FHL2: variants seen among roughly 807,000 people sequenced by gnomAD.
The protein encoded by FHL2 is four and a half LIM domains 2.
In FHL2, 20 loss-of-function variants were observed where a neutral mutation model predicts 32.7. The observed-to-expected ratio is 0.61, with a 90% CI of 0.43 to 0.89. The LOEUF (loss-of-function observed/expected upper bound fraction) is 0.89, where lower values mean the gene tolerates loss of function less well. Ranked by LOEUF, FHL2 falls within the 40% of genes least tolerant of loss-of-function variation. The pLI, the probability that FHL2 is intolerant of heterozygous loss-of-function variation, is 0.00. For missense variants in FHL2, 311 were observed against 358.6 expected (o/e 0.87, Z 1.07); for synonymous variants, 123 against 128.1 (o/e 0.96, Z 0.27).
intron 3 of FHL2, among the ~76,000 whole-genome samples, chr2:105,379,888 G>A (rs984843103): frequency 5.3e-5 from 8 of 152,316 alleles, no homozygotes; most frequent in Admixed American, 1.3e-4. Flanking sequence ...CATGTGCCAC[G>A]CCGGCGACCT....
intron 1 of FHL2, among the ~76,000 whole-genome samples, chr2:105,430,437 C>A (rs1466941139): frequency 6.6e-6 from 1 of 152,158 alleles, no homozygotes; most frequent in Non-Finnish European, 1.5e-5. Flanking sequence ...GAGGCCAAGG[C>A]GGGCAGATCA....
At chr2:105,405,323 G>C (rs887186787) in intron 1 of FHL2, among the ~76,000 whole-genome samples, 21 of 152,150 alleles carry the variant, frequency 1.4e-4, no homozygotes, top group African/African-American at 5.1e-4. Context: ...TGAGTGAACG[G>C]TTTGCTTCCC....
chr2:105,367,339 G>A (rs1680707038), intron 5 of FHL2, among the ~76,000 whole-genome samples: 1 of 152,186 alleles, frequency 6.6e-6, no homozygotes. Context: ...TCTAGAAGAA[G>A]GCAGGGTTAA....
intron 2 of FHL2, among the ~76,000 whole-genome samples, chr2:105,396,366 C>T (rs1380350028): frequency 3.3e-5 from 5 of 152,248 alleles, no homozygotes; most frequent in Middle Eastern, 3.4e-3. Context: ...TCAAGCAGTC[C>T]GGCAGGGGGG....
upstream of FHL2, among the ~76,000 whole-genome samples, chr2:105,401,765 G>A (rs1683473543): frequency 2.0e-5 from 3 of 152,112 alleles, no homozygotes; most frequent in Non-Finnish European, 2.9e-5. Flanking sequence ...TAAATCAACT[G>A]AGAAAAATAA....
At chr2:105,412,632 G>C (rs552590693) in intron 1 of FHL2, among the ~76,000 whole-genome samples, 1 of 152,344 alleles carries the variant, frequency 6.6e-6, no homozygotes, top group South Asian at 2.1e-4. Context: ...AAGAAAGCAC[G>C]TGGATGGTTA....
At chr2:105,438,210 G>A (rs891546635) in intron 1 of FHL2, among the ~76,000 whole-genome samples, 1 of 152,148 alleles carries the variant, frequency 6.6e-6, no homozygotes, top group Non-Finnish European at 1.5e-5. Flanking sequence ...CTCTGCCGTT[G>A]GTGGGAGCCA....
intron 2 of FHL2, among the ~76,000 whole-genome samples, chr2:105,393,823 T>A (rs1319190750): frequency 6.6e-6 from 1 of 152,266 alleles, no homozygotes; most frequent in African/African-American, 2.4e-5. Flanking sequence ...TCGTCCCTCC[T>A]TCCAGATAAG....
At chr2:105,399,454 A>T, upstream of FHL2, 1 of 1,536,082 alleles carries the variant, frequency 6.5e-7, no homozygotes, top group South Asian at 1.2e-5. Context: ...ACTTCTCAGG[A>T]GGCATGTGCC....
At position 105,367,734 on chromosome 2, in the gene FHL2, G is replaced by C; in HGVS notation, c.337C>G (p.Arg113Gly). Reference protein sequence around the residue: ...ECKKTIMPGTRKMEYKGSSWH... With the variant: ...ECKKTIMPGTGKMEYKGSSWH... ...CTGCTGCCCTTGTACTCCATCTTGC[G>C]GGTACCTGTCATCAGGGTCAAGAGG... Residue 113 changes from arginine (R) to glycine (G), a missense_variant, in exon 5 of 7, where the codon CGC becomes GGC. Transcript: ENST00000530340. The C allele has an allele frequency of 6.2e-7, 1 of 1,613,424 alleles. No individual in the cohort carries two copies. Among genetic ancestry groups the C allele is most frequent in the South Asian group, 1.1e-5 (1 of 90,942 alleles).
chr2:105,376,464 T>C (rs2104546180), intron 3 of FHL2: 1 of 152,324 alleles, frequency 6.6e-6, no homozygotes, highest in African/African-American at 2.4e-5. Context: ...TTGAATAAAA[T>C]TGAACAAATC....
intron 1 of FHL2, 63 bp downstream of exon 1, chr2:105,398,779 C>T: frequency 1.5e-6 from 2 of 1,310,962 alleles, no homozygotes; most frequent in Admixed American, 3.2e-5. Flanking sequence ...GGCTTCTCCC[C>T]GCACGGTTCG....
chr2:105,400,538 T>G (rs1244711549), upstream of FHL2, among the ~76,000 whole-genome samples: 1 of 152,168 alleles, frequency 6.6e-6, no homozygotes, highest in African/African-American at 2.4e-5. Flanking sequence ...TACCTAGATG[T>G]GTTGTTGATA....
chr2:105,426,162 C>T (rs181252165), intron 1 of FHL2, among the ~76,000 whole-genome samples: 21 of 152,080 alleles, frequency 1.4e-4, no homozygotes, highest in Admixed American at 2.6e-4. Flanking sequence ...AGCTTTTACC[C>T]GGTGCATTTG....
intron 2 of FHL2, among the ~76,000 whole-genome samples, chr2:105,391,776 A>G (rs1281767555): frequency 6.6e-6 from 1 of 152,204 alleles, no homozygotes; most frequent in Non-Finnish European, 1.5e-5. Context: ...CTAATTGTGT[A>G]CAATCCATTT....
At chr2:105,425,730 C>T (rs201384345) in intron 1 of FHL2, among the ~76,000 whole-genome samples, 7 of 151,806 alleles carry the variant, frequency 4.6e-5, no homozygotes, top group Admixed American at 4.6e-4. Flanking sequence ...ATCTGGCTTA[C>T]GTGCACGTCC....
At chr2:105,411,156 G>T (rs956516444) in intron 1 of FHL2, among the ~76,000 whole-genome samples, 1 of 152,102 alleles carries the variant, frequency 6.6e-6, no homozygotes, top group Non-Finnish European at 1.5e-5. Context: ...CTAATCCTTA[G>T]GTTCATTCTT....
chr2:105,390,720 A>G (rs1020534246), intron 2 of FHL2, among the ~76,000 whole-genome samples: 3 of 152,214 alleles, frequency 2.0e-5, no homozygotes, highest in Admixed American at 6.5e-5. Flanking sequence ...CTAATAAGCA[A>G]GCTCAGAGCT....
intron 1 of FHL2, among the ~76,000 whole-genome samples, chr2:105,408,668 C>T (rs943528747): frequency 6.6e-6 from 1 of 152,222 alleles, no homozygotes; most frequent in South Asian, 2.1e-4. Context: ...AGTGAGCATA[C>T]ACATGATGGC....
Sources: gnomAD v4.1 joint callset for allele counts (sites outside exome capture counted in the v4.1 genomes callset) on GRCh38, gnomAD v4.1.1 for gene constraint, MANE v1.5 for transcripts, NCBI Gene and HGNC (gene_info 2026-07-23, HGNC 2026-07-21) for gene names.